AMER2: variants seen among roughly 807,000 people sequenced by gnomAD.
AMER2 encodes the protein APC membrane recruitment protein 2.
Under a neutral mutation model 4.7 loss-of-function variants are expected in AMER2, and 1 was observed. The ratio of observed to expected loss-of-function variants is 0.21; its 90% confidence interval spans 0.07 to 1.00. The LOEUF is 1.00. Among genes scored for constraint, AMER2 ranks in the 50% least tolerant of loss-of-function variants. AMER2 has a pLI of 0.60. For synonymous variants in AMER2, 485 were observed against 433.3 expected (o/e 1.12, Z -1.48); for missense variants, 988 against 966.9 (o/e 1.02, Z -0.29).
At position 25,170,119 on chromosome 13, in the gene AMER2, G is replaced by A. The variant is rs571806982; in HGVS notation, c.1501C>T (p.His501Tyr). The change falls in exon 1 of 1, where the codon CAT becomes TAT. Residue 501 changes from histidine (H) to tyrosine (Y), a missense_variant. Coordinates refer to ENST00000515384, the MANE Select transcript of AMER2 (RefSeq NM_152704.4). The surrounding 1 kb of genome is among the most constrained non-coding windows in gnomAD (Gnocchi z 7.3). ...GGGTGCTTGGGCTCCTCCTTAGGATGGGGCTCGATGGGAATCCGGTTGAGC... is the reference window on the plus strand; with the variant it reads ...GGGTGCTTGGGCTCCTCCTTAGGATAGGGCTCGATGGGAATCCGGTTGAGC... The part of the protein sequence containing the change: ...RRLNRIPIEP[H>Y]PKEEPKHPEK... The A allele has an allele frequency of 6.2e-7, 1 of 1,614,030 alleles. No individual in the cohort carries two copies. The highest frequency in any genetic ancestry group is 8.5e-7 in the Non-Finnish European group (1 of 1,180,008).
At position 25,170,373 on chromosome 13, in the gene AMER2, A is replaced by T. The variant is rs745692714; in HGVS notation, c.1247T>A (p.Val416Glu). ...PALSKKNPGVVAYQGGGEEMA... is the reference protein window; with the variant it reads ...PALSKKNPGVEAYQGGGEEMA... ...CTCTTCCCCGCCTCCTTGGTAGGCC[A>T]CCACGCCGGGGTTCTTTTTAGACAG... The change falls in exon 1 of 1, where the codon GTG becomes GAG. Residue 416 changes from valine (V) to glutamate (E), a missense_variant. Coordinates refer to ENST00000515384, the MANE Select transcript of AMER2 (RefSeq NM_152704.4). This position sits in a 1 kb window ranked among gnomAD's most constrained non-coding sequence, Gnocchi z 7.3. 30 of 1,613,920 alleles carry T rather than the reference A, an allele frequency of 1.9e-5. No individual in the cohort carries two copies. The African/African-American group carries it at 3.6e-4, about 19-fold the overall frequency.
Position 25,169,894 on chromosome 13 carries a change from C to T in AMER2, c.1726G>A (p.Glu576Lys), listed in dbSNP as rs779469585. ...AACCGGGACAGGGAGGACGTCTCCT[C>T]GTTGTCCTTCCCTCCAGGAAGGGTT... ...PATLPGGKDN[E>K]ETSSLSRLKP... The change falls in exon 1 of 1, where the codon GAG becomes AAG. Residue 576 changes from glutamate to lysine, a missense_variant. Glu to Lys is a moderately conservative substitution (Grantham distance 56). Coordinates refer to ENST00000515384, the MANE Select transcript of AMER2 (RefSeq NM_152704.4). This position sits in a 1 kb window ranked among gnomAD's most constrained non-coding sequence, Gnocchi z 4.2. 2 of 1,614,030 alleles carry T rather than the reference C, an allele frequency of 1.2e-6. No homozygotes were observed. The highest frequency in any genetic ancestry group is 1.7e-5 in the Admixed American group (1 of 59,992).
At position 25,169,982 on chromosome 13, in the gene AMER2, G is replaced by A. The variant is rs1312576929; in HGVS notation, c.1638C>T (p.Pro546=). 6.2e-7 allele frequency: 1 copy of A among 1,614,022 alleles called. No homozygotes were observed. The highest frequency in any genetic ancestry group is 2.2e-5 in the East Asian group (1 of 44,878). Residue 546 remains proline (P), a synonymous_variant, in exon 1 of 1, where the codon CCC becomes CCT. Coordinates refer to ENST00000515384, the MANE Select transcript of AMER2 (RefSeq NM_152704.4). The surrounding 1 kb of genome is among the most constrained non-coding windows in gnomAD (Gnocchi z 4.2). ...GCGCGTCCCCGCTGTAGCTATCCCG[G>A]GGGATGCCCGCCTTCTTCCCGCTGC... ...SSSSGKKAGI[P]RDSYSGDALY... is the part of the protein sequence containing the mutation.
At position 25,170,970 on chromosome 13, in the gene AMER2, C is replaced by T. The variant is rs748535482; in HGVS notation, c.650G>A (p.Gly217Glu). 6 of 1,546,532 alleles carry T rather than the reference C, an allele frequency of 3.9e-6. No homozygotes were observed. Among genetic ancestry groups the T allele is most frequent in the Non-Finnish European group, 5.2e-6 (6 of 1,148,944 alleles). ...GATCAAGCCGCCCCCGGGCGCGCGC[C>T]CCTCCGCGGCCTCCGCCTTGGCCCG... ...DKRAKAEAAE[G>E]RAPGGGLILP... Residue 217 changes from glycine to glutamate, a missense_variant, in exon 1 of 1, where the codon GGG becomes GAG. Gly to Glu is a moderately conservative substitution (Grantham distance 98). Transcript: ENST00000515384. The surrounding 1 kb of genome is among the most constrained non-coding windows in gnomAD (Gnocchi z 7.3).
chr13:25,171,578 G>A lies in AMER2; in HGVS notation c.42C>T (p.Ser14=), dbSNP rs746237286. The A allele has an allele frequency of 1.3e-6, 2 of 1,527,590 alleles. No individual in the cohort carries two copies. The allele number at this position is 1,527,590 out of a possible 1,614,324, so 94.6% of individuals were successfully genotyped here. A position where few individuals can be genotyped will look rare whatever the true frequency, so the allele number is the denominator to read the frequency against. ...SRSRGGGGAV[S]ERGGAGASVG... ...CGGACGCGCCAGCTCCGCCGCGCTC[G>A]CTGACAGCCCCGCCGCCGCCGCGGC... Residue 14 remains serine, a synonymous_variant, in exon 1 of 1, where the codon AGC becomes AGT. Transcript: ENST00000515384. The surrounding 1 kb of genome is among the most constrained non-coding windows in gnomAD (Gnocchi z 5.9).
chr13:25,165,039 T>A lies in AMER2; in HGVS notation c.*4565A>T, dbSNP rs1383162352. The A allele has an allele frequency of 2.0e-5, 3 of 152,158 alleles. No homozygotes were observed. The highest frequency in any genetic ancestry group is 7.2e-5 in the African/African-American group (3 of 41,446). The allele number at this position is 152,158 out of a possible 1,614,324, so 9.4% of individuals were successfully genotyped here. ...TGCATTGAATTAAAGTAAATATCCA[T>A]CATAAAAGGTGCCCAATTTCAGTTC... On this transcript the variant is annotated 3_prime_UTR_variant, in exon 1 of 1. Coordinates refer to ENST00000515384, the MANE Select transcript of AMER2 (RefSeq NM_152704.4).
rs371313493 is a variant in AMER2, at chr13:25,165,400, G to C, written c.*4204C>G. The C allele has an allele frequency of 6.6e-6, 1 of 152,400 alleles. No individual in the cohort carries two copies. The highest frequency in any genetic ancestry group is 2.1e-4 in the South Asian group (1 of 4,820). 9.4% of individuals were successfully genotyped at this position (152,400 alleles called of 1,614,324 possible). Reference sequence around the variant, plus strand: ...CCTGTGAACTACACCCTTGCCTTTTGCTTCCCCACACAGGCTCTGTAAGAC... The same window carrying C: ...CCTGTGAACTACACCCTTGCCTTTTCCTTCCCCACACAGGCTCTGTAAGAC... On this transcript the variant is annotated 3_prime_UTR_variant, in exon 1 of 1. Coordinates refer to ENST00000515384, the MANE Select transcript of AMER2 (RefSeq NM_152704.4).
Position 25,170,432 on chromosome 13 carries a change from A to C in AMER2, c.1188T>G (p.Cys396Trp). The C allele has an allele frequency of 6.2e-7, 1 of 1,614,132 alleles. No individual in the cohort carries two copies. The highest frequency in any genetic ancestry group is 2.2e-5 in the East Asian group (1 of 44,846). Reference sequence around the variant, plus strand: ...TGCCTGGCCCGGGGACATGCTTGTCACAGCTGGGACCTGCCTCTTCCTCTT... The same window carrying C: ...TGCCTGGCCCGGGGACATGCTTGTCCCAGCTGGGACCTGCCTCTTCCTCTT... ...ADQEEEAGPS[C>W]DKHVPGPGKP... is the part of the protein sequence containing the mutation. The change falls in exon 1 of 1, where the codon TGT becomes TGG. Residue 396 changes from cysteine to tryptophan, a missense_variant. Transcript: ENST00000515384. The surrounding 1 kb of genome is among the most constrained non-coding windows in gnomAD (Gnocchi z 7.3).
At position 25,171,171 on chromosome 13, in the gene AMER2, C is replaced by T. The variant is rs780158864; in HGVS notation, c.449G>A (p.Gly150Asp). The T allele has an allele frequency of 2.6e-6, 4 of 1,530,054 alleles. No individual in the cohort carries two copies. Among genetic ancestry groups the T allele is most frequent in the East Asian group, 2.7e-5 (1 of 36,912 alleles). The allele number at this position is 1,530,054 out of a possible 1,614,324, so 94.8% of individuals were successfully genotyped here. The change falls in exon 1 of 1, where the codon GGC (glycine) becomes GAC (aspartate). Residue 150 changes from glycine to aspartate, a missense_variant. Coordinates refer to ENST00000515384, the MANE Select transcript of AMER2 (RefSeq NM_152704.4). This position sits in a 1 kb window ranked among gnomAD's most constrained non-coding sequence, Gnocchi z 5.9. ...GGCCACCGAGCTGCTGGCGAGGGAG[C>T]CCCCGCCGGGCCCTGCGGCTCTGGG... ...GPPRAAGPGGGSLASSSVAKS... is the reference protein window; with the variant it reads ...GPPRAAGPGGDSLASSSVAKS...
rs1455852996 is a variant in AMER2 at position 25,166,395 on chromosome 13, G to C, written c.*3209C>G. 6.6e-6 allele frequency: 1 copy of C among 152,076 alleles called. No individual in the cohort carries two copies. The highest frequency in any genetic ancestry group is 1.5e-5 in the Non-Finnish European group (1 of 68,018). 9.4% of individuals were successfully genotyped at this position (152,076 alleles called of 1,614,324 possible). On this transcript the variant is annotated 3_prime_UTR_variant, in exon 1 of 1. Coordinates refer to ENST00000515384, the MANE Select transcript of AMER2 (RefSeq NM_152704.4). ...TGCTGTAGTAAAATTTCTCCCAATT[G>C]GTGCTAATGGCAGGATAAACGCATC...
At position 25,171,172 on chromosome 13, in the gene AMER2, C is replaced by A; in HGVS notation, c.448G>T (p.Gly150Cys). 1.3e-6 allele frequency: 2 copies of A among 1,526,304 alleles called. No individual in the cohort carries two copies. Among genetic ancestry groups the A allele is most frequent in the Non-Finnish European group, 8.8e-7 (1 of 1,136,978 alleles). 94.5% of individuals were successfully genotyped at this position (1,526,304 alleles called of 1,614,324 possible). ...GPPRAAGPGG[G>C]SLASSSVAKS... ...GCCACCGAGCTGCTGGCGAGGGAGC[C>A]CCCGCCGGGCCCTGCGGCTCTGGGG... Residue 150 changes from glycine (G) to cysteine (C), a missense_variant, in exon 1 of 1, where the codon GGC (glycine) becomes TGC (cysteine). Physicochemically the swap from Gly to Cys is radical, Grantham distance 159. Transcript: ENST00000515384. The surrounding 1 kb of genome is among the most constrained non-coding windows in gnomAD (Gnocchi z 5.9).
rs1367917568 is a variant in AMER2 at position 25,170,858 on chromosome 13, G to A, written c.762C>T (p.Asp254=). 6.9e-7 allele frequency: 1 copy of A among 1,451,112 alleles called. No individual in the cohort carries two copies. Among genetic ancestry groups the A allele is most frequent in the Non-Finnish European group, 9.0e-7 (1 of 1,110,836 alleles). 89.9% of individuals were successfully genotyped at this position (1,451,112 alleles called of 1,614,324 possible). The change falls in exon 1 of 1, where the codon GAC becomes GAT. Residue 254 remains aspartate, a synonymous_variant. Transcript: ENST00000515384. This position sits in a 1 kb window ranked among gnomAD's most constrained non-coding sequence, Gnocchi z 7.3. ...GCTCACCTGCTGGGTCTCGCGGGGC[G>A]TCCTGGCTGGGCTCCTCCGGCTCGC... ...AAREPEEPSQ[D]APRDPAGEPA... is the part of the protein sequence containing the mutation.
chr13:25,171,211 G>C lies in AMER2; in HGVS notation c.409C>G (p.Pro137Ala). The C allele has an allele frequency of 7.3e-7, 1 of 1,366,300 alleles. No individual in the cohort carries two copies. Among genetic ancestry groups the C allele is most frequent in the South Asian group, 1.9e-5 (1 of 53,104 alleles). The allele number at this position is 1,366,300 out of a possible 1,614,324, so 84.6% of individuals were successfully genotyped here. ...GDSGGGGGGR[P>A]NPGPPRAAGP... Reference sequence around the variant, plus strand: ...GCGGCTCTGGGGGGCCCCGGGTTCGGCCGCCCCCCGCCGCCCCCGCCGCTG... The same window carrying C: ...GCGGCTCTGGGGGGCCCCGGGTTCGCCCGCCCCCCGCCGCCCCCGCCGCTG... Residue 137 changes from proline (P) to alanine (A), a missense_variant, in exon 1 of 1, where the codon CCG (proline) becomes GCG (alanine). By Grantham distance (27) the Pro-to-Ala change is conservative. Coordinates refer to ENST00000515384, the MANE Select transcript of AMER2 (RefSeq NM_152704.4). This position sits in a 1 kb window ranked among gnomAD's most constrained non-coding sequence, Gnocchi z 5.9.
In AMER2 at chr13:25,170,516, G is replaced by C; in HGVS notation, c.1104C>G (p.Asp368Glu). The change falls in exon 1 of 1, where the codon GAC (aspartate) becomes GAG (glutamate). Residue 368 changes from aspartate to glutamate, a missense_variant. By Grantham distance (45) the Asp-to-Glu change is conservative. Coordinates refer to ENST00000515384, the MANE Select transcript of AMER2 (RefSeq NM_152704.4). This position sits in a 1 kb window ranked among gnomAD's most constrained non-coding sequence, Gnocchi z 7.3. ...AGTCAAAGCTTTTCAGTGAAGTCAC[G>C]TCAGAAAACATCAAACAAATACGAT... ...SADRICLMFS[D>E]VTSLKSFDSL... 2 of 1,614,200 alleles carry C rather than the reference G, an allele frequency of 1.2e-6. No individual in the cohort carries two copies. Among genetic ancestry groups the C allele is most frequent in the Non-Finnish European group, 1.7e-6 (2 of 1,180,032 alleles).
Position 25,171,507 on chromosome 13 carries a change from G to C in AMER2, c.113C>G (p.Thr38Ser). The C allele has an allele frequency of 1.2e-6, 2 of 1,601,506 alleles. No individual in the cohort carries two copies. The highest frequency in any genetic ancestry group is 1.7e-4 in the Middle Eastern group (1 of 6,034). ...ATGCAAGTCCATGTCTGCCGCGAGG[G>C]TCCCGGTCCCGGCCCCGGCCTCCGC... ...RKAEAGAGTG[T>S]LAADMDLHCD... Residue 38 changes from threonine (T) to serine (S), a missense_variant, in exon 1 of 1, where the codon ACC becomes AGC. Thr to Ser is a moderately conservative substitution (Grantham distance 58). Transcript: ENST00000515384. This position sits in a 1 kb window ranked among gnomAD's most constrained non-coding sequence, Gnocchi z 5.9.
At position 25,171,790 on chromosome 13, in the gene AMER2, C is replaced by A. The variant is rs1031238535; in HGVS notation, c.-171G>T. On this transcript the variant is annotated 5_prime_UTR_variant, in exon 1 of 1. The change creates a premature stop within an existing upstream ORF in the 5' untranslated region. Coordinates refer to ENST00000515384, the MANE Select transcript of AMER2 (RefSeq NM_152704.4). The surrounding 1 kb of genome is among the most constrained non-coding windows in gnomAD (Gnocchi z 5.9). ...GCTTATATAATACCCTAACCCACTT[C>A]CATCCGACTTGGCTCGGCGCTGCAT... 8.5e-5 allele frequency: 109 copies of A among 1,282,850 alleles called. No individual in the cohort carries two copies. The highest frequency in any genetic ancestry group is 1.7e-5 in the African/African-American group (1 of 58,306). The allele number at this position is 1,282,850 out of a possible 1,614,324, so 79.5% of individuals were successfully genotyped here. A position where few individuals can be genotyped will look rare whatever the true frequency, so the allele number is the denominator to read the frequency against.
Position 25,170,068 on chromosome 13 carries a change from G to T in AMER2, c.1552C>A (p.Pro518Thr), listed in dbSNP as rs761775857. 1 of 1,613,884 alleles carries T rather than the reference G, an allele frequency of 6.2e-7. No homozygotes were observed. Among genetic ancestry groups the T allele is most frequent in the African/African-American group, 1.3e-5 (1 of 74,914 alleles). Residue 518 changes from proline to threonine, a missense_variant, in exon 1 of 1, where the codon CCC (proline) becomes ACC (threonine). Coordinates refer to ENST00000515384, the MANE Select transcript of AMER2 (RefSeq NM_152704.4). This position sits in a 1 kb window ranked among gnomAD's most constrained non-coding sequence, Gnocchi z 7.3. ...HPEKEQQEGV[P>T]NSDEGYWDST... ...TCCCAGTAGCCCTCGTCGCTGTTGG[G>T]GACGCCTTCCTGCTGCTCCTTCTCC...
chr13:25,171,059 G>A lies in AMER2; in HGVS notation c.561C>T (p.Gly187=). 1 of 1,578,026 alleles carries A rather than the reference G, an allele frequency of 6.3e-7. No homozygotes were observed. The highest frequency in any genetic ancestry group is 1.8e-5 in the Admixed American group (1 of 55,918). ...KGEPVDASKA[G]GKQKRGLRGL... is the part of the protein sequence containing the mutation. The stretch of plus-strand genomic sequence containing the variant: ...CCCGCAGCCCCCGCTTTTGTTTGCC[G>A]CCGGCCTTGCTCGCGTCCACAGGCT... The change falls in exon 1 of 1, where the codon GGC becomes GGT. Residue 187 remains glycine (G), a synonymous_variant. Transcript: ENST00000515384. The surrounding 1 kb of genome is among the most constrained non-coding windows in gnomAD (Gnocchi z 5.9).
At position 25,169,093 on chromosome 13, in the gene AMER2, T is replaced by C. The variant is rs1956514821; in HGVS notation, c.*511A>G. ...CCACACAGTGATACAGCAAAGGGTT[T>C]TGTTTTTGTTTTTGTTTTTTTTTAA... On this transcript the variant is annotated 3_prime_UTR_variant, in exon 1 of 1. Transcript: ENST00000515384. The surrounding 1 kb of genome is among the most constrained non-coding windows in gnomAD (Gnocchi z 4.2). 1 of 152,066 alleles carries C rather than the reference T, an allele frequency of 6.6e-6. No homozygotes were observed. Among genetic ancestry groups the C allele is most frequent in the Middle Eastern group, 3.4e-3 (1 of 294 alleles). 9.4% of individuals were successfully genotyped at this position (152,066 alleles called of 1,614,324 possible).
Sources: gnomAD v4.1 joint callset for allele counts on GRCh38, gnomAD v4.1.1 for gene constraint, Gnocchi (gnomAD v3.1) non-coding constraint, MANE v1.5 for transcripts, NCBI Gene and HGNC (gene_info 2026-07-23, HGNC 2026-07-21) for gene names.